PRKAA1: variants seen among roughly 807,000 people sequenced by gnomAD.
PRKAA1 encodes 5'-AMP-activated protein kinase catalytic subunit alpha-1.
In PRKAA1, 23 loss-of-function variants were observed where a neutral mutation model predicts 56.9. The observed-to-expected ratio is 0.40, with a 90% CI of 0.29 to 0.57. The LOEUF is 0.57. PRKAA1 is among the 20% of genes least tolerant of loss of function. The pLI is 0.39. For missense variants in PRKAA1, 413 were observed against 679.7 expected (o/e 0.61, Z 4.36); for synonymous variants, 226 against 227.0 (o/e 1.00, Z 0.04).
intron 1 of PRKAA1, among the ~76,000 whole-genome samples, chr5:40,797,732 C>G (rs976976769): frequency 6.6e-6 from 1 of 152,198 alleles, no homozygotes; most frequent in Non-Finnish European, 1.5e-5. Context: ...GGCGCCCCCT[C>G]CCAGCACCCA....
rs1284223929 is a variant in PRKAA1 at position 40,761,998 on chromosome 5, G to T, written c.*780C>A. On this transcript the variant is annotated 3_prime_UTR_variant, in exon 9 of 9. Coordinates refer to ENST00000397128, the MANE Select transcript of PRKAA1 (RefSeq NM_006251.6). ...TTTAAAAGGGGGATATGGAGGCCGG[G>T]TGCGGTGGCTCACGCCTGTAATCCC... 1 of 152,248 alleles carries T rather than the reference G, an allele frequency of 6.6e-6. No homozygotes were observed. Among genetic ancestry groups the T allele is most frequent in the East Asian group, 1.9e-4 (1 of 5,204 alleles). 9.4% of individuals were successfully genotyped at this position (152,248 alleles called of 1,614,324 possible). A position where few individuals can be genotyped will look rare whatever the true frequency, so the allele number is the denominator to read the frequency against.
At chr5:40,770,417 G>T (rs1430595726) in intron 4 of PRKAA1, among the ~76,000 whole-genome samples, 2 of 117,322 alleles carry the variant, frequency 1.7e-5, no homozygotes, top group African/African-American at 3.4e-5. Context: ...AGTGAGCCGA[G>T]ATCGTACCAC....
intron 1 of PRKAA1, among the ~76,000 whole-genome samples, chr5:40,791,402 C>T (rs1445360691): frequency 6.6e-6 from 1 of 152,210 alleles, no homozygotes; most frequent in Admixed American, 6.5e-5. Context: ...CAATGTCCCC[C>T]TCACAAGAAT....
In PRKAA1 at chr5:40,764,648, A is replaced by G. The variant is rs1241506512; in HGVS notation, c.1309-8T>C. ...ATAATATGGGTTTACAACCTAGCAC[A>G]TGGTATAACAAAAACCAAGTCAAAA... On this transcript the variant is annotated splice_region_variant and splice_polypyrimidine_tract_variant and intron_variant, in intron 7 of 8. Coordinates refer to ENST00000397128, the MANE Select transcript of PRKAA1 (RefSeq NM_006251.6). The G allele has an allele frequency of 2.5e-6, 4 of 1,611,846 alleles. No individual in the cohort carries two copies. Among genetic ancestry groups the G allele is most frequent in the Non-Finnish European group, 2.5e-6 (3 of 1,178,888 alleles).
chr5:40,786,786 C>CAAAAAAAAAAAAAAAAAAAAAAA lies in PRKAA1; in HGVS notation c.128-9223_128-9201dup, dbSNP rs34749478. On this transcript the variant is annotated intron_variant, in intron 1 of 8. Transcript: ENST00000397128. ...TGAAACCCTGTCTCTACTAAAAATA[C>CAAAAAAAAAAAAAAAAAAAAAAA]AAAAAAAAAAAAAAAAAAAAAAAAA... 4.6e-5 allele frequency among the ~76,000 whole-genome samples: 2 copies of CAAAAAAAAAAAAAAAAAAAAAAA among 43,512 alleles called. 1 individual carries two copies. Among genetic ancestry groups the CAAAAAAAAAAAAAAAAAAAAAAA allele is most frequent in the African/African-American group, 1.8e-4 (2 of 11,040 alleles). The allele number at this position is 43,512 out of a possible 152,430, so 28.5% of individuals were successfully genotyped here.
chr5:40,797,982 G>T, intron 1 of PRKAA1, 81 bp downstream of exon 1: 1 of 1,558,140 alleles, frequency 6.4e-7, no homozygotes. Flanking sequence ...CGCAGCGGGC[G>T]GGGGAGGATG....
intron 3 of PRKAA1, among the ~76,000 whole-genome samples, chr5:40,772,792 G>A (rs1051604113): frequency 6.6e-6 from 1 of 151,852 alleles, no homozygotes. Context: ...ATGCCACCAC[G>A]CCCACTAATT....
intron 3 of PRKAA1, among the ~76,000 whole-genome samples, chr5:40,774,303 CTT>C (rs1051698058): frequency 6.6e-6 from 1 of 152,090 alleles, no homozygotes; most frequent in African/African-American, 2.4e-5. Context: ...CAGAGGAAGA[CTT>C]TTTTTAAAAT....
chr5:40,783,262 T>C (rs1319960932), intron 1 of PRKAA1, among the ~76,000 whole-genome samples: 1 of 152,166 alleles, frequency 6.6e-6, no homozygotes, highest in African/African-American at 2.4e-5. Context: ...GTTTAATACA[T>C]TGTTATTCCA....
At chr5:40,781,771 G>A (rs961340603) in intron 1 of PRKAA1, among the ~76,000 whole-genome samples, 2 of 152,106 alleles carry the variant, frequency 1.3e-5, no homozygotes, top group Non-Finnish European at 2.9e-5. Flanking sequence ...TTAAAAGTAC[G>A]ATATAACTAT....
At chr5:40,784,031 G>T (rs1209481093) in intron 1 of PRKAA1, among the ~76,000 whole-genome samples, 1 of 152,108 alleles carries the variant, frequency 6.6e-6, no homozygotes, top group Non-Finnish European at 1.5e-5. Context: ...TACTCCATAA[G>T]GGTGACTATA....
chr5:40,764,529 A>T lies in PRKAA1; in HGVS notation c.1420T>A (p.Phe474Ile), dbSNP rs767134351. 6.2e-7 allele frequency: 1 copy of T among 1,611,920 alleles called. No homozygotes were observed. Among genetic ancestry groups the T allele is most frequent in the African/African-American group, 1.3e-5 (1 of 75,006 alleles). Residue 474 changes from phenylalanine to isoleucine, a missense_variant, in exon 8 of 9, where the codon TTC becomes ATC. Coordinates refer to ENST00000397128, the MANE Select transcript of PRKAA1 (RefSeq NM_006251.6). The part of the protein sequence containing the change: ...QVDSRTYLLD[F>I]RSIDDEITEA... ...ATGTACATACCATCAATACTACGGA[A>T]ATCCAGTAGATAAGTTCTACTATCC...
At chr5:40,773,948 A>C (rs1038553589) in intron 3 of PRKAA1, among the ~76,000 whole-genome samples, 1 of 152,260 alleles carries the variant, frequency 6.6e-6, no homozygotes, top group East Asian at 1.9e-4. Flanking sequence ...TGAGACTTGC[A>C]TCTCTTTTCT....
At chr5:40,796,114 C>T (rs567749807) in intron 1 of PRKAA1, among the ~76,000 whole-genome samples, 2 of 152,124 alleles carry the variant, frequency 1.3e-5, no homozygotes, top group South Asian at 2.1e-4. Context: ...GTCAGGAGTT[C>T]GAGACCAGCC....
intron 2 of PRKAA1, 71 bp from the exon 3 acceptor site, chr5:40,775,574 G>A: frequency 8.1e-7 from 1 of 1,240,564 alleles, no homozygotes; most frequent in Non-Finnish European, 1.2e-6. Flanking sequence ...TATTTACTAA[G>A]CACCTATAGT....
chr5:40,779,131 GA>G (rs35802811), intron 1 of PRKAA1, among the ~76,000 whole-genome samples: 19 of 147,386 alleles, frequency 1.3e-4, no homozygotes, highest in South Asian at 4.3e-4. Context: ...AAAATAAAGG[GA>G]AAAAAAAAAT....
rs746509641 is a variant in PRKAA1, at chr5:40,777,552, A to T, written c.162T>A (p.Ala54=). The change falls in exon 2 of 9, where the codon GCT becomes GCA. Residue 54 remains alanine, a synonymous_variant. Coordinates refer to ENST00000397128, the MANE Select transcript of PRKAA1 (RefSeq NM_006251.6). ...TCTTCTGTCGATTGAGTATCTTCAC[A>T]GCTACTTTATGCCCAGTCAATTCAT... ...GKHELTGHKV[A]VKILNRQKIR... 2.0e-5 allele frequency: 33 copies of T among 1,613,226 alleles called. 1 individual carries two copies. In the South Asian group the frequency reaches 3.6e-4, roughly 18 times the overall value.
rs1290255730 is a variant in PRKAA1, at chr5:40,759,661, AAC to A, written c.*3115_*3116del. The A allele has an allele frequency of 6.6e-6, 1 of 152,376 alleles. No individual in the cohort carries two copies. The highest frequency in any genetic ancestry group is 1.5e-5 in the Non-Finnish European group (1 of 68,044). The allele number at this position is 152,376 out of a possible 1,614,324, so 9.4% of individuals were successfully genotyped here. On this transcript the variant is annotated 3_prime_UTR_variant, in exon 9 of 9. Transcript: ENST00000397128. The stretch of plus-strand genomic sequence containing the variant: ...CTTTCATTCCAAAGGTGCCAGTCAG[AAC>A]ACAGATCCATGGAGTTCCACATCTA...
At chr5:40,768,604 A>C in intron 5 of PRKAA1, 1 of 1,058,520 alleles carries the variant, frequency 9.4e-7, no homozygotes, top group Admixed American at 5.4e-5. Context: ...ATTTTTACAC[A>C]AATCTCATTT....
Sources: allele counts gnomAD v4.1 joint callset (sites outside exome capture counted in the v4.1 genomes callset), GRCh38; gene constraint gnomAD v4.1.1; transcripts MANE v1.5; gene names NCBI Gene and HGNC (gene_info 2026-07-23, HGNC 2026-07-21).